RSAD2: variants seen among roughly 807,000 people sequenced by gnomAD.
RSAD2 encodes the protein S-adenosylmethionine-dependent nucleotide dehydratase RSAD2.
In RSAD2, 38 loss-of-function variants were observed where a neutral mutation model predicts 37.7. The ratio of observed to expected loss-of-function variants is 1.01; its 90% CI spans 0.78 to 1.32. RSAD2 has a LOEUF of 1.32. Ranked by LOEUF, RSAD2 falls within the 40% of genes most tolerant of loss-of-function variation. The probability of loss-of-function intolerance (pLI) is 0.00; values close to 1 mark genes in which losing one functional copy is unlikely to be tolerated. For missense variants in RSAD2, 428 were observed against 437.5 expected (o/e 0.98, Z 0.19); for synonymous variants, 163 against 157.4 (o/e 1.04, Z -0.27).
At chr2:6,887,302 C>T in intron 3 of RSAD2, 138 bp downstream of exon 3, 1 of 627,232 alleles carries the variant, frequency 1.6e-6, no homozygotes, top group South Asian at 2.1e-5. Context: ...GGTCCTTGGT[C>T]TTTCAGCTCT....
chr2:6,891,496 G>A (rs561790332), intron 4 of RSAD2, among the ~76,000 whole-genome samples: 37 of 152,268 alleles, frequency 2.4e-4, no homozygotes, highest in African/African-American at 8.9e-4. Flanking sequence ...GGCCGGGCGC[G>A]GTGGCTCACG....
chr2:6,891,923 C>A (rs1407871178), intron 4 of RSAD2, among the ~76,000 whole-genome samples: 1 of 151,998 alleles, frequency 6.6e-6, no homozygotes, highest in Admixed American at 6.6e-5. Context: ...AGGAGAAATT[C>A]TGATAATATA....
At chr2:6,867,647 T>G (rs1663127532) in intron 1 of RSAD2, among the ~76,000 whole-genome samples, 1 of 152,134 alleles carries the variant, frequency 6.6e-6, no homozygotes, top group Admixed American at 6.5e-5. Context: ...ACCTTGACAC[T>G]CCACAGTCAC....
chr2:6,871,723 T>C (rs1663208448), intron 1 of RSAD2, among the ~76,000 whole-genome samples: 1 of 152,204 alleles, frequency 6.6e-6, no homozygotes, highest in Non-Finnish European at 1.5e-5. Flanking sequence ...TGCATATACA[T>C]GTCTGTTAGT....
chr2:6,891,550 G>A (rs757661340), intron 4 of RSAD2, among the ~76,000 whole-genome samples: 1 of 152,124 alleles, frequency 6.6e-6, no homozygotes, highest in Non-Finnish European at 1.5e-5. Flanking sequence ...GGCGGATCAC[G>A]AGGTCAGGAA....
chr2:6,877,812 T>C lies in RSAD2; in HGVS notation c.12T>C (p.Leu4=), dbSNP rs35784105. MWV[L]TPAAFAGKLL... Reference sequence around the variant, plus strand: ...AGGCATCTGCCACAATGTGGGTGCTTACACCTGCTGCTTTTGCTGGGAAGC... The same window carrying C: ...AGGCATCTGCCACAATGTGGGTGCTCACACCTGCTGCTTTTGCTGGGAAGC... The change falls in exon 1 of 6, where the codon CTT becomes CTC. Residue 4 remains leucine (L), a synonymous_variant. Coordinates refer to ENST00000382040, the MANE Select transcript of RSAD2 (RefSeq NM_080657.5). 3.1e-3 allele frequency: 5,072 copies of C among 1,613,692 alleles called. 128 individuals carry two copies. In the African/African-American group the frequency reaches 0.06, roughly 19 times the overall value.
At chr2:6,891,194 A>G (rs1254695529) in intron 4 of RSAD2, among the ~76,000 whole-genome samples, 1 of 152,144 alleles carries the variant, frequency 6.6e-6, no homozygotes, top group Non-Finnish European at 1.5e-5. Flanking sequence ...GATAATTTAC[A>G]GAAAAAAAAC....
Position 6,890,215 on chromosome 2 carries a change from G to A in RSAD2, c.778G>A (p.Glu260Lys). 1.9e-6 allele frequency: 3 copies of A among 1,614,176 alleles called. No individual in the cohort carries two copies. Among genetic ancestry groups the A allele is most frequent in the Non-Finnish European group, 2.5e-6 (3 of 1,179,998 alleles). Residue 260 changes from glutamate to lysine, a missense_variant, in exon 4 of 6, where the codon GAA (glutamate) becomes AAA (lysine). By Grantham distance (56) the Glu-to-Lys change is moderately conservative. Transcript: ENST00000382040. ...CLLIEGENCG[E>K]DALREAERFV... Reference sequence around the variant, plus strand: ...CTTAATTGAGGGTGAGAATTGTGGAGAAGATGCTCTAAGAGAAGCAGAAAG... The same window carrying A: ...CTTAATTGAGGGTGAGAATTGTGGAAAAGATGCTCTAAGAGAAGCAGAAAG...
chr2:6,874,539 G>A (rs13419081), upstream of RSAD2, among the ~76,000 whole-genome samples: 6,438 of 152,150 alleles, frequency 0.042, 448 homozygotes, highest in African/African-American at 0.15. Context: ...TCTCATCCAC[G>A]ATTATTGTTT....
At chr2:6,883,305 AC>A (rs1160810419) in intron 1 of RSAD2, 65 bp from the exon 2 acceptor site, 7 of 1,509,096 alleles carry the variant, frequency 4.6e-6, no homozygotes, top group Non-Finnish European at 6.4e-6. Context: ...AGAAAATACT[AC>A]TTTTGCTATT....
At chr2:6,878,894 T>C (rs1456899528) in intron 1 of RSAD2, 1 of 1,146,270 alleles carries the variant, frequency 8.7e-7, no homozygotes, top group Non-Finnish European at 1.2e-6. Flanking sequence ...AACAAAAGCA[T>C]AGCATACATG....
chr2:6,882,174 T>C (rs1663418787), intron 1 of RSAD2, among the ~76,000 whole-genome samples: 1 of 152,188 alleles, frequency 6.6e-6, no homozygotes, highest in Admixed American at 6.5e-5. Flanking sequence ...CATTCTGCTA[T>C]TTTGTGCCAT....
Position 6,877,818 on chromosome 2 carries a change from T to A in RSAD2, c.18T>A (p.Pro6=), listed in dbSNP as rs756589173. The A allele has an allele frequency of 1.9e-6, 3 of 1,613,780 alleles. No homozygotes were observed. Among genetic ancestry groups the A allele is most frequent in the Non-Finnish European group, 2.5e-6 (3 of 1,179,898 alleles). Residue 6 remains proline, a synonymous_variant, in exon 1 of 6, where the codon CCT becomes CCA. Transcript: ENST00000382040. ...CTGCCACAATGTGGGTGCTTACACCTGCTGCTTTTGCTGGGAAGCTCTTGA... is the reference window on the plus strand; with the variant it reads ...CTGCCACAATGTGGGTGCTTACACCAGCTGCTTTTGCTGGGAAGCTCTTGA... MWVLT[P]AAFAGKLLSV...
intron 1 of RSAD2, among the ~76,000 whole-genome samples, chr2:6,881,521 T>C (rs1190558201): frequency 3.9e-5 from 6 of 152,246 alleles, no homozygotes; most frequent in Non-Finnish European, 8.8e-5. Context: ...ATTCTTCCAC[T>C]AAAAACCAGA....
At position 6,895,921 on chromosome 2, in the gene RSAD2, T is replaced by C; in HGVS notation, c.1065T>C (p.Ala355=). 1 of 1,613,498 alleles carries C rather than the reference T, an allele frequency of 6.2e-7. No homozygotes were observed. Among genetic ancestry groups the C allele is most frequent in the Non-Finnish European group, 8.5e-7 (1 of 1,179,608 alleles). ...KRGGKYIWSK[A]DLKLDW is the part of the protein sequence containing the mutation. Reference sequence around the variant, plus strand: ...GAGGAAAATACATATGGAGTAAGGCTGATCTGAAGCTGGATTGGTAGAGCG... The same window carrying C: ...GAGGAAAATACATATGGAGTAAGGCCGATCTGAAGCTGGATTGGTAGAGCG... The change falls in exon 6 of 6, where the codon GCT becomes GCC. Residue 355 remains alanine (A), a synonymous_variant. Transcript: ENST00000382040.
intron 4 of RSAD2, among the ~76,000 whole-genome samples, chr2:6,892,970 A>C (rs1418349923): frequency 6.6e-6 from 1 of 152,210 alleles, no homozygotes; most frequent in Admixed American, 6.5e-5. Context: ...GTTTCAGTGG[A>C]GCTCAGCCAA....
In RSAD2 at chr2:6,884,572, C is replaced by T. The variant is rs148225677; in HGVS notation, c.508+1040C>T. Among the ~76,000 whole-genome samples, 383 of 152,310 alleles carry T rather than the reference C, an allele frequency of 2.5e-3. 3 individuals carry two copies. Among genetic ancestry groups the T allele is most frequent in the South Asian group, 0.018 (87 of 4,822 alleles). On this transcript the variant is annotated intron_variant, in intron 2 of 5. Transcript: ENST00000382040. Reference sequence around the variant, plus strand: ...GCCAATGCCCTTCCTCCAAGATCAGCCGTCCAGGATGTCCTCATGGTGTGC... The same window carrying T: ...GCCAATGCCCTTCCTCCAAGATCAGTCGTCCAGGATGTCCTCATGGTGTGC...
chr2:6,892,523 C>T (rs1663654511), intron 4 of RSAD2, among the ~76,000 whole-genome samples: 1 of 152,198 alleles, frequency 6.6e-6, no homozygotes, highest in Non-Finnish European at 1.5e-5. Flanking sequence ...GTATCATCCC[C>T]ATTGTATACA....
intron 4 of RSAD2, among the ~76,000 whole-genome samples, chr2:6,892,862 G>A (rs1663660754): frequency 6.6e-6 from 1 of 152,212 alleles, no homozygotes; most frequent in Non-Finnish European, 1.5e-5. Flanking sequence ...AGTACAGGAT[G>A]CAAGTTAAGA....
Sources: gnomAD v4.1 joint callset for allele counts (sites outside exome capture counted in the v4.1 genomes callset) on GRCh38, gnomAD v4.1.1 for gene constraint, MANE v1.5 for transcripts, NCBI Gene and HGNC (gene_info 2026-07-23, HGNC 2026-07-21) for gene names.